The following IL1RAPL2 variants were observed in gnomAD, a reference collection of about 807,000 sequenced individuals.
The protein encoded by IL1RAPL2 is interleukin 1 receptor accessory protein like 2, also known as X-linked interleukin-1 receptor accessory protein-like 2.
In IL1RAPL2, 3 loss-of-function variants were observed where a neutral mutation model predicts 44.1. The observed-to-expected ratio is 0.07, with a 90% CI of 0.03 to 0.18. The LOEUF (loss-of-function observed/expected upper bound fraction) is 0.18, where lower values mean the gene tolerates loss of function less well. IL1RAPL2 is among the 10% of genes least tolerant of loss of function. The pLI is 1.00. For synonymous variants in IL1RAPL2, 181 were observed against 178.8 expected, an observed-to-expected ratio of 1.01 and a Z score of -0.10; for missense variants, 391 against 496.4, an observed-to-expected ratio of 0.79 and a Z score of 2.02.
intron 6 of IL1RAPL2, among the ~76,000 whole-genome samples, chrX:105,627,167 A>G (rs766891719): frequency 3.6e-5 from 4 of 111,963 alleles, no homozygotes; most frequent in Non-Finnish European, 7.5e-5. Flanking sequence ...CCAGACTTGC[A>G]TTTATTGCTT....
Position 105,076,736 on chromosome X carries a change from G to T in IL1RAPL2, c.83-118739G>T, listed in dbSNP as rs751736177. ...ATGAATCTGGGTGCTCCAGTATTGG[G>T]TGCATATATATTTAGGATAGTTAGT... On this transcript the variant is annotated intron_variant, in intron 2 of 10. Coordinates refer to ENST00000372582, the MANE Select transcript of IL1RAPL2 (RefSeq NM_017416.2). Among the ~76,000 whole-genome samples the T allele has an allele frequency of 3.6e-5, 4 of 111,590 alleles. No individual in the cohort carries two copies. In the South Asian group the frequency reaches 1.5e-3, roughly 42 times the overall value.
intron 2 of IL1RAPL2, among the ~76,000 whole-genome samples, chrX:104,878,757 T>C (rs886852648): frequency 8.9e-6 from 1 of 111,843 alleles, no homozygotes; most frequent in Non-Finnish European, 1.9e-5. Flanking sequence ...TCTTGTTCCC[T>C]GTTTAAAGGG....
intron 3 of IL1RAPL2, among the ~76,000 whole-genome samples, chrX:105,210,938 G>A (rs1021276675): frequency 1.6e-4 from 18 of 110,209 alleles, no homozygotes; most frequent in African/African-American, 6.0e-4. Flanking sequence ...ATGTACCCCC[G>A]ATCAACACAG....
intron 2 of IL1RAPL2, among the ~76,000 whole-genome samples, chrX:105,050,820 G>A (rs1413808980): frequency 8.9e-6 from 1 of 112,370 alleles, no homozygotes; most frequent in African/African-American, 3.2e-5. Context: ...GCAGAGAGGA[G>A]GCCCTGGAGA....
chrX:104,786,476 G>A (rs769989369), intron 2 of IL1RAPL2, among the ~76,000 whole-genome samples: 5 of 111,780 alleles, frequency 4.5e-5, no homozygotes, highest in African/African-American at 1.6e-4. Context: ...TTGAATTCCT[G>A]TAGAACCTCT....
intron 2 of IL1RAPL2, among the ~76,000 whole-genome samples, chrX:104,750,902 A>G (rs5962444): frequency 2.2e-4 from 25 of 111,184 alleles, no homozygotes; most frequent in African/African-American, 7.8e-4. Flanking sequence ...ATAGTTAAAA[A>G]TTCATAGCTG....
At chrX:105,367,694 T>C (rs1370922389) in intron 5 of IL1RAPL2, among the ~76,000 whole-genome samples, 2 of 111,819 alleles carry the variant, frequency 1.8e-5, no homozygotes, top group African/African-American at 6.5e-5. Context: ...ATAGTTTATA[T>C]CCCTTAACAA....
chrX:104,776,771 T>C (rs1932725228), intron 2 of IL1RAPL2, among the ~76,000 whole-genome samples: 1 of 112,215 alleles, frequency 8.9e-6, no homozygotes, highest in Non-Finnish European at 1.9e-5. Flanking sequence ...CCATATACCC[T>C]ACACCCACTT....
chrX:104,978,690 T>C (rs1250265759), intron 2 of IL1RAPL2, among the ~76,000 whole-genome samples: 1 of 112,377 alleles, frequency 8.9e-6, no homozygotes, highest in Non-Finnish European at 1.9e-5. Flanking sequence ...CTGGAAATTA[T>C]TATAATTGTA....
chrX:105,697,747 A>G (rs1450880233), intron 6 of IL1RAPL2, among the ~76,000 whole-genome samples: 1 of 111,929 alleles, frequency 8.9e-6, no homozygotes, highest in Non-Finnish European at 1.9e-5. Flanking sequence ...TCTTATTCAT[A>G]TATACACCAC....
At chrX:104,896,591 C>A (rs190898858) in intron 2 of IL1RAPL2, among the ~76,000 whole-genome samples, 46 of 111,573 alleles carry the variant, frequency 4.1e-4, no homozygotes, top group Middle Eastern at 4.6e-3. Flanking sequence ...AGTGCTCTAT[C>A]TAGCTAAAGG....
intron 3 of IL1RAPL2, among the ~76,000 whole-genome samples, chrX:105,198,450 T>TCTTCGATTTA (rs2033689528): frequency 8.9e-6 from 1 of 112,122 alleles, no homozygotes; most frequent in African/African-American, 3.2e-5. Context: ...CTTTAAGAAG[T>TCTTCGATTTA]CTTCGATTTA....
intron 5 of IL1RAPL2, among the ~76,000 whole-genome samples, chrX:105,298,276 G>T (rs2147672864): frequency 8.9e-6 from 1 of 111,907 alleles, no homozygotes; most frequent in East Asian, 2.8e-4. Context: ...AACGAGCAAG[G>T]AGATGTTGAA....
intron 2 of IL1RAPL2, among the ~76,000 whole-genome samples, chrX:104,890,338 G>T (rs1459884671): frequency 1.8e-5 from 2 of 111,549 alleles, no homozygotes; most frequent in East Asian, 5.6e-4. Context: ...GGGTCAAATG[G>T]TATTTCTAGT....
At chrX:104,823,745 G>C (rs1478833045) in intron 2 of IL1RAPL2, among the ~76,000 whole-genome samples, 2 of 111,747 alleles carry the variant, frequency 1.8e-5, no homozygotes, top group Non-Finnish European at 3.8e-5. Context: ...ATTTCTCCAC[G>C]AGACTTTGCT....
rs1262296627 is a variant in IL1RAPL2 at position 104,635,049 on chromosome X, ATC to A, written c.-19-23841_-19-23840del. On this transcript the variant is annotated intron_variant, in intron 1 of 10. Coordinates refer to ENST00000372582, the MANE Select transcript of IL1RAPL2 (RefSeq NM_017416.2). ...TTAGGGCAGGCCTGGTGGTGACAAA[ATC>A]TCTCAGCATTTGCTTGTCTGTAAAG... Among the ~76,000 whole-genome samples, 327 of 111,030 alleles carry A rather than the reference ATC, an allele frequency of 2.9e-3. 2 individuals are homozygous for A. The highest frequency in any genetic ancestry group is 9.8e-3 in the African/African-American group (299 of 30,484).
At chrX:104,946,425 A>ATTATTATACT (rs1189100480) in intron 2 of IL1RAPL2, among the ~76,000 whole-genome samples, 115 of 67,960 alleles carry the variant, frequency 1.7e-3, no homozygotes, top group Non-Finnish European at 3.1e-3. Flanking sequence ...TAAAAAAATT[A>ATTATTATACT]TTATTATACT....
At chrX:105,585,536 C>T (rs1007267901) in intron 6 of IL1RAPL2, among the ~76,000 whole-genome samples, 5 of 110,451 alleles carry the variant, frequency 4.5e-5, no homozygotes, top group African/African-American at 1.7e-4. Flanking sequence ...CCACAACAGC[C>T]CCCAGTATGT....
intron 3 of IL1RAPL2, among the ~76,000 whole-genome samples, chrX:105,204,403 A>G (rs1414706152): frequency 1.8e-5 from 2 of 111,917 alleles, no homozygotes; most frequent in Non-Finnish European, 3.8e-5. Context: ...CTTCCTGTCA[A>G]TGATCAAACA....
Sources: allele counts gnomAD v4.1 joint callset (sites outside exome capture counted in the v4.1 genomes callset), GRCh38; gene constraint gnomAD v4.1.1; transcripts MANE v1.5; gene names NCBI Gene and HGNC (gene_info 2026-07-23, HGNC 2026-07-21).